The following AKAP13 variants were observed in gnomAD, a reference collection of about 807,000 sequenced individuals.
AKAP13 encodes A-kinase anchor protein 13.
A neutral mutation model predicts 264.5 loss-of-function variants in AKAP13; 80 were observed. The observed-to-expected ratio is 0.30, with a 90% CI of 0.25 to 0.36. The LOEUF (loss-of-function observed/expected upper bound fraction) is 0.36. Ranked by LOEUF, AKAP13 falls within the 10% of genes least tolerant of loss-of-function variation. The pLI is 1.00. For missense variants in AKAP13, 3,712 were observed against 3,435.2 expected (o/e 1.08, Z -2.01); for synonymous variants, 1,380 against 1,250.2 (o/e 1.10, Z -2.19).
intron 1 of AKAP13, among the ~76,000 whole-genome samples, chr15:85,392,251 A>ATTTTTT (rs57208601): frequency 4.7e-4 from 50 of 106,350 alleles, no homozygotes; most frequent in Non-Finnish European, 7.2e-4. Flanking sequence ...GCCCTTAATA[A>ATTTTTT]TTTTTTTTTT....
At chr15:85,538,301 G>A (rs1169798450) in intron 4 of AKAP13, among the ~76,000 whole-genome samples, 3 of 152,032 alleles carry the variant, frequency 2.0e-5, no homozygotes, top group South Asian at 4.1e-4. Flanking sequence ...TCATCTTTGG[G>A]GGCAAGAATT....
At chr15:85,662,284 C>A in intron 12 of AKAP13, 2 of 1,123,740 alleles carry the variant, frequency 1.8e-6, no homozygotes, top group Non-Finnish European at 1.3e-6. Flanking sequence ...TCGCATAAAT[C>A]CGTCTGTCTC....
At chr15:85,502,611 G>T (rs569562613) in intron 2 of AKAP13, among the ~76,000 whole-genome samples, 12 of 152,254 alleles carry the variant, frequency 7.9e-5, no homozygotes, top group African/African-American at 2.9e-4. Context: ...GTGTTTTTGT[G>T]AAATGGTTTT....
chr15:85,514,314 T>C (rs80319119), intron 2 of AKAP13, among the ~76,000 whole-genome samples: 1 of 138,524 alleles, frequency 7.2e-6, no homozygotes, highest in East Asian at 2.0e-4. Flanking sequence ...GTTAAAAAAA[T>C]TGTTTATAAT....
At chr15:85,484,297 G>T (rs1336651935) in intron 1 of AKAP13, among the ~76,000 whole-genome samples, 1 of 152,134 alleles carries the variant, frequency 6.6e-6, no homozygotes, top group Non-Finnish European at 1.5e-5. Flanking sequence ...AAAAATGTTG[G>T]TTGGTTATTG....
chr15:85,434,450 G>C (rs563495390), intron 1 of AKAP13, among the ~76,000 whole-genome samples: 37 of 151,276 alleles, frequency 2.4e-4, no homozygotes, highest in Admixed American at 4.6e-4. Context: ...CGGGAAGCTC[G>C]AACTGGGTGG....
At chr15:85,714,619 G>T (rs1249651408) in intron 19 of AKAP13, among the ~76,000 whole-genome samples, 1 of 152,228 alleles carries the variant, frequency 6.6e-6, no homozygotes, top group African/African-American at 2.4e-5. Context: ...ATGGTGAACG[G>T]TCCTAAAGAA....
intron 1 of AKAP13, among the ~76,000 whole-genome samples, chr15:85,463,262 A>G (rs1168625936): frequency 1.3e-5 from 2 of 152,214 alleles, no homozygotes; most frequent in African/African-American, 4.8e-5. Context: ...GGGAAAGAAA[A>G]AAATATTTGA....
At chr15:85,650,057 T>C (rs921067790) in intron 10 of AKAP13, among the ~76,000 whole-genome samples, 2 of 152,186 alleles carry the variant, frequency 1.3e-5, no homozygotes, top group African/African-American at 4.8e-5. Context: ...CCTTCTTTCA[T>C]GTGTTGTAGT....
rs190793755 is a variant in AKAP13 at position 85,673,834 on chromosome 15, C to T, written c.5101+4004C>T. 4.2e-3 allele frequency among the ~76,000 whole-genome samples: 623 copies of T among 146,840 alleles called. 7 individuals are homozygous for T. The highest frequency in any genetic ancestry group is 0.014 in the African/African-American group (553 of 39,290). On this transcript the variant is annotated intron_variant, in intron 14 of 36. Transcript: ENST00000394518. ...CCGAGTAGCTGGGACTACAGGTGCC[C>T]GCCACCACACCCGGCTAATTTTTTT...
chr15:85,648,413 G>C lies in AKAP13; in HGVS notation c.4374+2459G>C, dbSNP rs868334090. ...TTACTTCTGGTCACTTAATTGAATGGTTTTCTTAGCTAAGGAGAATTAGAA... is the reference window on the plus strand; with the variant it reads ...TTACTTCTGGTCACTTAATTGAATGCTTTTCTTAGCTAAGGAGAATTAGAA... On this transcript the variant is annotated intron_variant, in intron 10 of 36. Coordinates refer to ENST00000394518, the MANE Select transcript of AKAP13 (RefSeq NM_007200.5). Among the ~76,000 whole-genome samples, 46 of 152,238 alleles carry C rather than the reference G, an allele frequency of 3.0e-4. No homozygotes were observed. The Middle Eastern group carries it at 0.017, about 57-fold the overall frequency.
At chr15:85,723,633 T>A (rs1362764730) in intron 26 of AKAP13, among the ~76,000 whole-genome samples, 1 of 152,112 alleles carries the variant, frequency 6.6e-6, no homozygotes, top group Non-Finnish European at 1.5e-5. Flanking sequence ...GAAGGTGTAT[T>A]CCCCTATAAG....
At chr15:85,562,520 G>A (rs1490923765) in intron 5 of AKAP13, among the ~76,000 whole-genome samples, 2 of 138,946 alleles carry the variant, frequency 1.4e-5, no homozygotes, top group Non-Finnish European at 1.5e-5. Context: ...AGCTGAGATC[G>A]TGCCACTGCA....
intron 5 of AKAP13, among the ~76,000 whole-genome samples, chr15:85,566,150 CT>C (rs2078598409): frequency 6.6e-6 from 1 of 152,222 alleles, no homozygotes; most frequent in African/African-American, 2.4e-5. Flanking sequence ...TTTATTTATA[CT>C]CTATTACAGT....
At position 85,591,302 on chromosome 15, in the gene AKAP13, G is replaced by A. The variant is rs192546972; in HGVS notation, c.4161+5479G>A. ...AGTCCCATCCACTTGGTTTAGGATGGGTTTTTGCGTTTTAAACAAGCATCC... is the reference window on the plus strand; with the variant it reads ...AGTCCCATCCACTTGGTTTAGGATGAGTTTTTGCGTTTTAAACAAGCATCC... On this transcript the variant is annotated intron_variant, in intron 8 of 36. Transcript: ENST00000394518. Among the ~76,000 whole-genome samples, 759 of 152,242 alleles carry A rather than the reference G, an allele frequency of 5.0e-3. 7 individuals carry two copies. The highest frequency in any genetic ancestry group is 0.017 in the African/African-American group (723 of 41,568).
At chr15:85,740,181 A>G in intron 33 of AKAP13, 41 bp from the exon 34 acceptor site, 2 of 1,610,836 alleles carry the variant, frequency 1.2e-6, no homozygotes, top group East Asian at 4.5e-5. Flanking sequence ...TGAGATTCAT[A>G]AAGCCCTGAA....
intron 8 of AKAP13, among the ~76,000 whole-genome samples, chr15:85,633,944 A>G (rs996270235): frequency 2.0e-5 from 3 of 152,068 alleles, no homozygotes; most frequent in Admixed American, 6.6e-5. Context: ...CTTATTGTGT[A>G]TACCTTAAAG....
chr15:85,681,187 C>T (rs190371527), intron 14 of AKAP13, among the ~76,000 whole-genome samples: 40 of 152,298 alleles, frequency 2.6e-4, no homozygotes, highest in African/African-American at 9.6e-4. Context: ...TTACAGTAAT[C>T]TCAGAGATCC....
At chr15:85,555,192 C>T (rs890266752) in intron 5 of AKAP13, among the ~76,000 whole-genome samples, 2 of 152,104 alleles carry the variant, frequency 1.3e-5, no homozygotes, top group Non-Finnish European at 2.9e-5. Context: ...AGCTACCCCC[C>T]ACCCCCTACC....
Sources: allele counts gnomAD v4.1 joint callset (sites outside exome capture counted in the v4.1 genomes callset), GRCh38; gene constraint gnomAD v4.1.1; transcripts MANE v1.5; gene names NCBI Gene and HGNC (gene_info 2026-07-23, HGNC 2026-07-21).